CRYBB1: variants seen among roughly 807,000 people sequenced by gnomAD.
The protein encoded by CRYBB1 is beta-crystallin B1.
CRYBB1 carries 16 observed loss-of-function variants against 29.5 expected under a neutral mutation model. That is an observed-to-expected ratio of 0.54 (90% confidence interval 0.37 to 0.82). The LOEUF (loss-of-function observed/expected upper bound fraction) is 0.82, where lower values mean the gene tolerates loss of function less well. Among genes scored for constraint, CRYBB1 ranks in the 40% least tolerant of loss-of-function variants. The pLI is 0.00. For synonymous variants in CRYBB1, 127 were observed against 136.7 expected (o/e 0.93, Z 0.49); for missense variants, 300 against 350.5 (o/e 0.86, Z 1.15).
rs200292741 is a variant in CRYBB1, at chr22:26,616,326, C to T, written c.-7G>A. ...CCTTTGCAGCCTGAGACATGGTTCC[C>T]GCCTGCAAAAGTCTGTAAAGAAACT... On this transcript the variant is annotated 5_prime_UTR_variant, in exon 2 of 6. Coordinates refer to ENST00000647684, the MANE Select transcript of CRYBB1 (RefSeq NM_001887.4). The T allele has an allele frequency of 2.6e-4, 413 of 1,612,130 alleles. No individual in the cohort carries two copies. Among genetic ancestry groups the T allele is most frequent in the Middle Eastern group, 3.3e-4 (2 of 6,026 alleles).
At chr22:26,606,108 G>A (rs1035469483) in intron 4 of CRYBB1, among the ~76,000 whole-genome samples, 11 of 152,206 alleles carry the variant, frequency 7.2e-5, no homozygotes, top group South Asian at 2.1e-4. Flanking sequence ...GGCCAGGGAA[G>A]CCAAAATATT....
intron 4 of CRYBB1, among the ~76,000 whole-genome samples, chr22:26,605,982 A>T (rs976183845): frequency 6.6e-6 from 1 of 152,180 alleles, no homozygotes; most frequent in Non-Finnish European, 1.5e-5. Flanking sequence ...CCCAACACAA[A>T]TTTGTGAACT....
intron 5 of CRYBB1, among the ~76,000 whole-genome samples, chr22:26,601,481 C>CA (rs1928817118): frequency 6.6e-6 from 1 of 151,794 alleles, no homozygotes; most frequent in South Asian, 2.1e-4. Context: ...TGCAAATTCA[C>CA]TGCTCAGAAC....
rs576214606 is a variant in CRYBB1 at position 26,615,000 on chromosome 22, C to G, written c.180+1140G>C. 2.0e-5 allele frequency among the ~76,000 whole-genome samples: 3 copies of G among 152,182 alleles called. No individual in the cohort carries two copies. In the South Asian group the frequency reaches 6.2e-4, roughly 32 times the overall value. On this transcript the variant is annotated intron_variant, in intron 2 of 5. Transcript: ENST00000647684. ...AAAATGATGGACTCAAGGGAGACAC[C>G]TTAGAGTTAGGTAGAAAGTTTTTAA...
intron 4 of CRYBB1, among the ~76,000 whole-genome samples, 185 bp from the exon 5 acceptor site, chr22:26,602,206 G>A (rs149174347): frequency 2.6e-3 from 389 of 152,230 alleles, no homozygotes; most frequent in Middle Eastern, 0.014. Flanking sequence ...CAACTCCCAC[G>A]TCATAGGGTC....
At chr22:26,611,636 G>A (rs1369640382) in intron 3 of CRYBB1, among the ~76,000 whole-genome samples, 1 of 151,816 alleles carries the variant, frequency 6.6e-6, no homozygotes, top group Non-Finnish European at 1.5e-5. Context: ...CACCACGCCC[G>A]GCTAATTTTT....
At chr22:26,603,578 C>A (rs1278255792) in intron 4 of CRYBB1, among the ~76,000 whole-genome samples, 1 of 151,370 alleles carries the variant, frequency 6.6e-6, no homozygotes, top group African/African-American at 2.4e-5. Context: ...GTGGGATTGT[C>A]ATGGCTACTC....
chr22:26,613,153 G>A (rs991935410), intron 2 of CRYBB1, among the ~76,000 whole-genome samples: 19 of 152,186 alleles, frequency 1.2e-4, no homozygotes, highest in African/African-American at 3.6e-4. Flanking sequence ...CCACAACATA[G>A]GGGAAAACTT....
chr22:26,610,588 G>A (rs1929125774), intron 3 of CRYBB1, among the ~76,000 whole-genome samples: 1 of 152,224 alleles, frequency 6.6e-6, no homozygotes, highest in South Asian at 2.1e-4. Context: ...CTGAGGCTGC[G>A]TTGACCACAC....
intron 1 of CRYBB1, 37 bp from the exon 2 acceptor site, chr22:26,616,375 C>G (rs1929356302): frequency 7.0e-7 from 1 of 1,428,430 alleles, no homozygotes; most frequent in Admixed American, 1.7e-5. Flanking sequence ...ATGACACCCC[C>G]AAACTGCCTC....
chr22:26,617,382 G>C (rs1352911112), intron 1 of CRYBB1, among the ~76,000 whole-genome samples: 2 of 152,174 alleles, frequency 1.3e-5, no homozygotes, highest in Non-Finnish European at 2.9e-5. Context: ...GCTGATTCCC[G>C]AACACATTCT....
At chr22:26,603,349 G>C (rs949314477) in intron 4 of CRYBB1, among the ~76,000 whole-genome samples, 1 of 151,604 alleles carries the variant, frequency 6.6e-6, no homozygotes, top group Non-Finnish European at 1.5e-5. Flanking sequence ...GGCCAACATG[G>C]TGAAACCCCA....
At chr22:26,615,294 G>T (rs569780703) in intron 2 of CRYBB1, among the ~76,000 whole-genome samples, 2 of 152,282 alleles carry the variant, frequency 1.3e-5, no homozygotes, top group Admixed American at 6.5e-5. Flanking sequence ...TTGAGGGTCT[G>T]AGGCCATCCT....
chr22:26,614,992 G>A (rs1274463784), intron 2 of CRYBB1, among the ~76,000 whole-genome samples: 3 of 152,098 alleles, frequency 2.0e-5, no homozygotes, highest in Non-Finnish European at 2.9e-5. Context: ...TGGACTCAAG[G>A]GAGACACCTT....
At chr22:26,610,403 C>T (rs564360609) in intron 3 of CRYBB1, among the ~76,000 whole-genome samples, 54 of 152,250 alleles carry the variant, frequency 3.5e-4, no homozygotes, top group African/African-American at 1.3e-3. Flanking sequence ...ACCACAGGCC[C>T]GTTTCCATGC....
At chr22:26,614,772 G>A (rs1247226409) in intron 2 of CRYBB1, among the ~76,000 whole-genome samples, 1 of 152,072 alleles carries the variant, frequency 6.6e-6, no homozygotes, top group Non-Finnish European at 1.5e-5. Flanking sequence ...CTAGGAGTTC[G>A]AGACCAGCCT....
intron 3 of CRYBB1, among the ~76,000 whole-genome samples, chr22:26,610,892 A>G (rs1929134755): frequency 6.6e-6 from 1 of 152,282 alleles, no homozygotes; most frequent in Admixed American, 6.5e-5. Flanking sequence ...CTCAAAGCTC[A>G]TCTCGGAATG....
chr22:26,607,114 C>T (rs745645898), intron 4 of CRYBB1, among the ~76,000 whole-genome samples: 1 of 151,228 alleles, frequency 6.6e-6, no homozygotes, highest in Non-Finnish European at 1.5e-5. Flanking sequence ...CCTCTGGCTC[C>T]CGGGTTCAAG....
intron 3 of CRYBB1, among the ~76,000 whole-genome samples, chr22:26,610,386 C>G (rs1478378672): frequency 6.6e-6 from 1 of 152,286 alleles, no homozygotes; most frequent in African/African-American, 2.4e-5. Flanking sequence ...CAGACCCAGG[C>G]CCCCGGACCA....
Sources: allele counts gnomAD v4.1 joint callset (sites outside exome capture counted in the v4.1 genomes callset), GRCh38; gene constraint gnomAD v4.1.1; transcripts MANE v1.5; gene names NCBI Gene and HGNC (gene_info 2026-07-23, HGNC 2026-07-21).